The following STX5 variants were observed in gnomAD, a reference collection of about 807,000 sequenced individuals.
STX5 encodes the protein syntaxin-5.
Under a neutral mutation model 42.9 loss-of-function variants are expected in STX5, and 15 were observed. That is an observed-to-expected ratio of 0.35 (90% CI 0.23 to 0.54). The LOEUF (loss-of-function observed/expected upper bound fraction) is 0.54. Ranked by LOEUF, STX5 falls within the 20% of genes least tolerant of loss-of-function variation. The pLI, the probability that STX5 is intolerant of heterozygous loss-of-function variation, is 0.91. For synonymous variants in STX5, 184 were observed against 173.2 expected, an observed-to-expected ratio of 1.06 and a Z score of -0.49; for missense variants, 430 against 455.0, an observed-to-expected ratio of 0.95 and a Z score of 0.50.
intron 10 of STX5, among the ~76,000 whole-genome samples, chr11:62,809,014 C>T (rs2084585076): frequency 6.6e-6 from 1 of 152,282 alleles, no homozygotes; most frequent in Non-Finnish European, 1.5e-5. Context: ...GGGGGCCGGA[C>T]ATGGTGGCTC....
At chr11:62,822,795 T>C (rs1005788948) in intron 10 of STX5, among the ~76,000 whole-genome samples, 1 of 152,058 alleles carries the variant, frequency 6.6e-6, no homozygotes, top group Non-Finnish European at 1.5e-5. Flanking sequence ...ATTTTGTCTC[T>C]TTTGTCCACT....
chr11:62,831,839 G>A (rs1205706152), intron 1 of STX5, 115 bp downstream of exon 1: 6 of 450,018 alleles, frequency 1.3e-5, no homozygotes, highest in African/African-American at 2.0e-5. Flanking sequence ...GAGCCGGGCC[G>A]GCAGGACTTG....
chr11:62,811,132 CCT>C lies in STX5; in HGVS notation c.909-3506_909-3505del, dbSNP rs147594734. 5.2e-3 allele frequency among the ~76,000 whole-genome samples: 794 copies of C among 152,260 alleles called. 6 individuals are homozygous for C. Among genetic ancestry groups the C allele is most frequent in the African/African-American group, 0.019 (769 of 41,556 alleles). On this transcript the variant is annotated intron_variant, in intron 10 of 10. Transcript: ENST00000294179. Reference sequence around the variant, plus strand: ...AGATTCTTCCCTTCTCTACATACCCCCTGACTCCATGGGGGATCTGTCCTGAC... The same window carrying C: ...AGATTCTTCCCTTCTCTACATACCCCGACTCCATGGGGGATCTGTCCTGAC...
rs2084778950 is a variant in STX5 at position 62,825,040 on chromosome 11, G to C, written c.675C>G (p.His225Gln). The C allele has an allele frequency of 6.2e-7, 1 of 1,613,830 alleles. No homozygotes were observed. The highest frequency in any genetic ancestry group is 8.5e-7 in the Non-Finnish European group (1 of 1,180,024). The stretch of plus-strand genomic sequence containing the variant: ...CCCGTTTTACCTGTGACTTACCCAG[G>C]TGGTTAGGGGCAAGGGGCAGGGCTG... ...PVSALPLAPN[H>Q]LGGGAVVLGA... is the part of the protein sequence containing the mutation. Residue 225 changes from histidine (H) to glutamine (Q), a missense_variant, in exon 8 of 11, where the codon CAC (histidine) becomes CAG (glutamine). Physicochemically the swap from His to Gln is conservative, Grantham distance 24. Coordinates refer to ENST00000294179, the MANE Select transcript of STX5 (RefSeq NM_003164.5).
At chr11:62,824,320 A>G (rs2084770910) in intron 9 of STX5, 33 bp from the exon 10 acceptor site, 3 of 1,614,078 alleles carry the variant, frequency 1.9e-6, no homozygotes, top group Middle Eastern at 3.3e-4. Context: ...ATGAGCACCA[A>G]CAGCTTCTTC....
intron 2 of STX5, among the ~76,000 whole-genome samples, chr11:62,828,302 A>G (rs61593406): frequency 1.3e-5 from 2 of 152,074 alleles, no homozygotes; most frequent in African/African-American, 2.4e-5. Flanking sequence ...TTGTAGAGAT[A>G]GGGTCTTGCT....
At chr11:62,820,805 C>T (rs1341738934) in intron 10 of STX5, among the ~76,000 whole-genome samples, 2 of 151,930 alleles carry the variant, frequency 1.3e-5, no homozygotes, top group East Asian at 1.9e-4. Context: ...CCACTGCACC[C>T]GGCACTATTT....
chr11:62,819,259 A>AAAAAG (rs2084712128), intron 10 of STX5, among the ~76,000 whole-genome samples: 4 of 138,878 alleles, frequency 2.9e-5, no homozygotes, highest in Non-Finnish European at 4.7e-5. Flanking sequence ...AAAAAAAAGA[A>AAAAAG]GGTGAAAAAA....
At chr11:62,828,809 G>A (rs1048305816) in intron 2 of STX5, among the ~76,000 whole-genome samples, 1 of 151,834 alleles carries the variant, frequency 6.6e-6, no homozygotes, top group African/African-American at 2.4e-5. Context: ...GCTCACACCT[G>A]TAATCCCAGC....
At chr11:62,824,097 G>A (rs2084767306) in intron 10 of STX5, 69 bp downstream of exon 10, 2 of 1,610,032 alleles carry the variant, frequency 1.2e-6, no homozygotes, top group East Asian at 2.2e-5. Context: ...GCAGTCCCTG[G>A]GGACTTTAAG....
At chr11:62,820,096 T>C (rs953891018) in intron 10 of STX5, among the ~76,000 whole-genome samples, 2 of 150,968 alleles carry the variant, frequency 1.3e-5, no homozygotes, top group Admixed American at 6.6e-5. Flanking sequence ...ATCGGCCGGG[T>C]GCGGTGGCTC....
intron 10 of STX5, among the ~76,000 whole-genome samples, chr11:62,815,084 T>G (rs1048956532): frequency 6.6e-6 from 1 of 151,416 alleles, no homozygotes; most frequent in Non-Finnish European, 1.5e-5. Flanking sequence ...CTCGGCTCAC[T>G]GAAACCTACA....
At chr11:62,830,651 C>T in intron 2 of STX5, 1 of 478,010 alleles carries the variant, frequency 2.1e-6, no homozygotes, top group Non-Finnish European at 4.0e-6. Context: ...CTCATGGTTA[C>T]AGAGCAAACT....
intron 10 of STX5, among the ~76,000 whole-genome samples, chr11:62,821,829 C>T (rs2084743512): frequency 6.6e-6 from 1 of 152,034 alleles, no homozygotes; most frequent in Non-Finnish European, 1.5e-5. Context: ...AGATTAAGAC[C>T]ATCCTGGCCA....
At chr11:62,827,669 C>A in intron 2 of STX5, 38 bp from the exon 3 acceptor site, 1 of 1,610,884 alleles carries the variant, frequency 6.2e-7, no homozygotes, top group South Asian at 1.1e-5. Context: ...CTTTAGTTCT[C>A]CCTTCCCCAG....
intron 2 of STX5, among the ~76,000 whole-genome samples, chr11:62,828,726 AAAATAAAT>A (rs752238315): frequency 1.8e-5 from 2 of 109,764 alleles, no homozygotes; most frequent in Non-Finnish European, 3.9e-5. Context: ...ACTCCGTCTC[AAAATAAAT>A]AAATAAATAA....
In STX5 at chr11:62,807,394, T is replaced by C; in HGVS notation, c.*75A>G. The C allele has an allele frequency of 6.4e-7, 1 of 1,563,980 alleles. No homozygotes were observed. Among genetic ancestry groups the C allele is most frequent in the Non-Finnish European group, 8.7e-7 (1 of 1,152,940 alleles). ...TTTCTCCCAAGTACCCTGCACAGGC[T>C]CAGTGGCAGCACTGGCCACTTGCCT... On this transcript the variant is annotated 3_prime_UTR_variant, in exon 11 of 11. Coordinates refer to ENST00000294179, the MANE Select transcript of STX5 (RefSeq NM_003164.5).
chr11:62,813,681 T>G (rs974677167), intron 10 of STX5, among the ~76,000 whole-genome samples: 1 of 152,196 alleles, frequency 6.6e-6, no homozygotes, highest in African/African-American at 2.4e-5. Context: ...GGTTGGACCC[T>G]GCTAAAGGGA....
Position 62,825,415 on chromosome 11 carries a change from G to C in STX5, c.540+8C>G. ...CTTTGCCTCCCTCCCTTCCTCCCCA[G>C]GTCCCACCTGCAAGGAGACCACAAT... On this transcript the variant is annotated splice_region_variant and intron_variant, in intron 6 of 10. Transcript: ENST00000294179. 6.2e-7 allele frequency: 1 copy of C among 1,614,104 alleles called. No individual in the cohort carries two copies. Among genetic ancestry groups the C allele is most frequent in the Non-Finnish European group, 8.5e-7 (1 of 1,180,022 alleles).
Sources: gnomAD v4.1 joint callset for allele counts (sites outside exome capture counted in the v4.1 genomes callset) on GRCh38, gnomAD v4.1.1 for gene constraint, MANE v1.5 for transcripts, NCBI Gene and HGNC (gene_info 2026-07-23, HGNC 2026-07-21) for gene names.